Variants in EPHA6 observed in about 807,000 individuals in gnomAD.
The protein encoded by EPHA6 is EPH receptor A6, also known as ephrin type-A receptor 6.
Under a neutral mutation model 112.0 loss-of-function variants are expected in EPHA6, and 50 were observed. The observed-to-expected ratio is 0.45, with a 90% CI of 0.36 to 0.56. EPHA6 has a LOEUF of 0.56. Ranked by LOEUF, EPHA6 falls within the 20% of genes least tolerant of loss-of-function variation. The pLI is 0.00. For missense variants in EPHA6, 1,280 were observed against 1,417.4 expected (o/e 0.90, Z 1.56); for synonymous variants, 529 against 490.7 (o/e 1.08, Z -1.03).
At position 97,592,608 on chromosome 3, in the gene EPHA6, A is replaced by T. The variant is rs557782257; in HGVS notation, c.2387-4A>T. On this transcript the variant is annotated splice_polypyrimidine_tract_variant and splice_region_variant and intron_variant, in intron 11 of 17. Transcript: ENST00000389672. ...GATTAATGTCAATTTTTATCTCTTA[A>T]AAGGATCCTTCCCGGCCATTGGGGT... 4 of 1,613,188 alleles carry T rather than the reference A, an allele frequency of 2.5e-6. No homozygotes were observed. The African/African-American group carries it at 5.3e-5, about 22-fold the overall frequency.
intron 2 of EPHA6, among the ~76,000 whole-genome samples, chr3:96,984,123 G>C (rs575211363): frequency 1.3e-5 from 2 of 152,226 alleles, no homozygotes; most frequent in East Asian, 3.9e-4. Flanking sequence ...GAGGGGGAGA[G>C]GTGCTCTGGT....
intron 3 of EPHA6, among the ~76,000 whole-genome samples, chr3:97,105,677 C>T (rs2047545578): frequency 6.6e-6 from 1 of 152,020 alleles, no homozygotes; most frequent in Non-Finnish European, 1.5e-5. Context: ...TCATTTCATC[C>T]AAGGTTGAGT....
At chr3:97,328,864 G>A (rs554751658) in intron 5 of EPHA6, among the ~76,000 whole-genome samples, 13 of 151,982 alleles carry the variant, frequency 8.6e-5, no homozygotes, top group Non-Finnish European at 1.3e-4. Flanking sequence ...TGTGCACAAC[G>A]TGCAGGTTTG....
chr3:97,240,582 CCT>C lies in EPHA6; in HGVS notation c.1271-3369_1271-3368del, dbSNP rs35979956. Among the ~76,000 whole-genome samples the C allele has an allele frequency of 3.4e-3, 512 of 151,876 alleles. 1 individual carries two copies. The highest frequency in any genetic ancestry group is 0.011 in the African/African-American group (471 of 41,474). On this transcript the variant is annotated intron_variant, in intron 4 of 17. Coordinates refer to ENST00000389672, the MANE Select transcript of EPHA6 (RefSeq NM_001080448.3). ...CTTTTCAGCCCATATGAAAAATCCC[CCT>C]GTTTGTTTATGGGTTTAACATATTT...
At chr3:96,860,276 A>G (rs1457248166) in intron 1 of EPHA6, among the ~76,000 whole-genome samples, 1 of 152,118 alleles carries the variant, frequency 6.6e-6, no homozygotes, top group African/African-American at 2.4e-5. Flanking sequence ...CATCTTCAAG[A>G]AAAAAGACTA....
chr3:97,542,380 T>A (rs552914259), intron 11 of EPHA6, among the ~76,000 whole-genome samples: 33 of 152,304 alleles, frequency 2.2e-4, no homozygotes, highest in Admixed American at 6.5e-4. Context: ...TTGCTGAGAA[T>A]GATGGTTTCC....
intron 3 of EPHA6, among the ~76,000 whole-genome samples, chr3:97,160,326 C>G (rs2076383769): frequency 6.6e-6 from 1 of 152,080 alleles, no homozygotes; most frequent in Non-Finnish European, 1.5e-5. Flanking sequence ...TCACCCAGTG[C>G]AGTGCAGCAG....
At chr3:97,224,219 T>C (rs2078287972) in intron 3 of EPHA6, among the ~76,000 whole-genome samples, 1 of 152,228 alleles carries the variant, frequency 6.6e-6, no homozygotes. Flanking sequence ...TCTCACTTTA[T>C]ATTGCTGTTA....
At chr3:97,550,239 A>G (rs1243456701) in intron 11 of EPHA6, among the ~76,000 whole-genome samples, 4 of 152,258 alleles carry the variant, frequency 2.6e-5, no homozygotes, top group African/African-American at 9.6e-5. Flanking sequence ...AGTCTTGAGC[A>G]TATCAGTAAG....
chr3:97,136,336 C>G (rs997845177), intron 3 of EPHA6, among the ~76,000 whole-genome samples: 2 of 152,092 alleles, frequency 1.3e-5, no homozygotes, highest in African/African-American at 2.4e-5. Context: ...TAGAGACTAT[C>G]ACAATAAGAC....
chr3:97,185,127 G>A (rs1415095403), intron 3 of EPHA6, among the ~76,000 whole-genome samples: 2 of 152,102 alleles, frequency 1.3e-5, no homozygotes, highest in African/African-American at 2.4e-5. Context: ...AGAAAACCTA[G>A]GCAATACCAT....
chr3:96,957,578 A>G (rs2041808803), intron 2 of EPHA6, among the ~76,000 whole-genome samples: 2 of 152,202 alleles, frequency 1.3e-5, no homozygotes, highest in Admixed American at 6.5e-5. Flanking sequence ...ATTTCTGTCA[A>G]CTTAGCCCTG....
intron 14 of EPHA6, among the ~76,000 whole-genome samples, chr3:97,706,266 C>T (rs1420579336): frequency 6.6e-6 from 1 of 152,002 alleles, no homozygotes; most frequent in Admixed American, 6.6e-5. Flanking sequence ...GGAAAAAAAA[C>T]ACTCATTTAC....
intron 1 of EPHA6, among the ~76,000 whole-genome samples, chr3:96,837,744 C>A (rs1576102870): frequency 6.6e-6 from 1 of 152,008 alleles, no homozygotes; most frequent in Non-Finnish European, 1.5e-5. Flanking sequence ...ATACGTATAA[C>A]AAAATCAAAA....
intron 2 of EPHA6, among the ~76,000 whole-genome samples, chr3:96,893,326 T>C (rs1040142446): frequency 1.3e-5 from 2 of 152,220 alleles, no homozygotes; most frequent in African/African-American, 4.8e-5. Flanking sequence ...CAGTGTATCA[T>C]GTTATGTGGA....
At chr3:97,114,042 T>A (rs1397325762) in intron 3 of EPHA6, among the ~76,000 whole-genome samples, 1 of 152,038 alleles carries the variant, frequency 6.6e-6, no homozygotes. Flanking sequence ...AGGTGGTTAC[T>A]ACCTCTACCA....
At chr3:97,720,196 T>G (rs1665433998) in intron 14 of EPHA6, 65 bp from the exon 15 acceptor site, 1 of 1,341,154 alleles carries the variant, frequency 7.5e-7, no homozygotes, top group Admixed American at 2.8e-5. Context: ...AATATTTAAT[T>G]GGAATACCAT....
chr3:97,140,891 A>G (rs1287931551), intron 3 of EPHA6, among the ~76,000 whole-genome samples: 1 of 152,144 alleles, frequency 6.6e-6, no homozygotes, highest in Admixed American at 6.6e-5. Flanking sequence ...GGCAAATAGG[A>G]TTAAAAACAT....
chr3:96,846,392 C>T (rs72931374), intron 1 of EPHA6, among the ~76,000 whole-genome samples: 1,982 of 152,120 alleles, frequency 0.013, 46 homozygotes, highest in African/African-American at 0.044. Context: ...TTCTGACCCA[C>T]TCGGATTGAG....
Sources: gnomAD v4.1 joint callset for allele counts (sites outside exome capture counted in the v4.1 genomes callset) on GRCh38, gnomAD v4.1.1 for gene constraint, MANE v1.5 for transcripts, NCBI Gene and HGNC (gene_info 2026-07-23, HGNC 2026-07-21) for gene names.